Variants in MVB12B observed in about 807,000 individuals in gnomAD.
The protein encoded by MVB12B is ESCRT-I complex subunit MVB12B.
A neutral mutation model predicts 41.6 loss-of-function variants in MVB12B; 16 were observed. The observed-to-expected ratio is 0.38, with a 90% CI of 0.26 to 0.58. The LOEUF (loss-of-function observed/expected upper bound fraction) is 0.58, where lower values mean the gene tolerates loss of function less well. MVB12B is among the 20% of genes least tolerant of loss of function. The pLI is 0.62. For missense variants in MVB12B, 274 were observed against 380.2 expected (o/e 0.72, Z 2.32); for synonymous variants, 133 against 139.7 (o/e 0.95, Z 0.34).
intron 7 of MVB12B, among the ~76,000 whole-genome samples, chr9:126,456,436 ATAAATT>A (rs1832987469): frequency 6.6e-6 from 1 of 152,332 alleles, no homozygotes; most frequent in Non-Finnish European, 1.5e-5. Context: ...TGTCACTAAA[ATAAATT>A]TATATGTTAC....
In MVB12B at chr9:126,473,111, CT is replaced by C. The variant is rs1833350244; in HGVS notation, c.758-8256del. 6.6e-6 allele frequency among the ~76,000 whole-genome samples: 1 copy of C among 152,174 alleles called. No homozygotes were observed. The highest frequency in any genetic ancestry group is 2.1e-4 in the South Asian group (1 of 4,830). On this transcript the variant is annotated intron_variant, in intron 7 of 9. Coordinates refer to ENST00000361171, the MANE Select transcript of MVB12B (RefSeq NM_033446.3). The surrounding 1 kb of genome is among the most constrained non-coding windows in gnomAD (Gnocchi z 4.0). ...GTGGTGGGTGCTTTATCTCTGTCGT[CT>C]TATTTCATTTTTCTTCACCCTCACC...
At chr9:126,330,820 AC>A (rs1829109210) in intron 1 of MVB12B, among the ~76,000 whole-genome samples, 3 of 151,740 alleles carry the variant, frequency 2.0e-5, no homozygotes, top group African/African-American at 4.8e-5. Context: ...GAGTTTGACT[AC>A]CCTAGGTAGT....
At chr9:126,442,011 T>G (rs1247310272) in intron 7 of MVB12B, among the ~76,000 whole-genome samples, 3 of 152,226 alleles carry the variant, frequency 2.0e-5, no homozygotes, top group African/African-American at 7.2e-5. Flanking sequence ...GGTTTCATAA[T>G]GGAGCTAACT....
intron 7 of MVB12B, among the ~76,000 whole-genome samples, chr9:126,451,252 C>T (rs1180962854): frequency 1.3e-5 from 2 of 152,198 alleles, no homozygotes; most frequent in Non-Finnish European, 2.9e-5. Flanking sequence ...TGAAAAGCCT[C>T]ATTCAAGAAT....
intron 6 of MVB12B, among the ~76,000 whole-genome samples, chr9:126,407,532 C>G (rs1338701784): frequency 6.6e-6 from 1 of 152,164 alleles, no homozygotes; most frequent in African/African-American, 2.4e-5. Flanking sequence ...TCGAGTCTTC[C>G]TCTCTGTGAG....
At chr9:126,384,695 A>C (rs1830724662) in intron 3 of MVB12B, among the ~76,000 whole-genome samples, 1 of 151,576 alleles carries the variant, frequency 6.6e-6, no homozygotes, top group African/African-American at 2.4e-5. Context: ...CACCCAGCTA[A>C]TTTTTGTATT....
Position 126,362,801 on chromosome 9 carries a change from T to C in MVB12B, c.205-18263T>C, listed in dbSNP as rs1228847817. Among the ~76,000 whole-genome samples the C allele has an allele frequency of 2.0e-5, 3 of 152,250 alleles. No homozygotes were observed. In the East Asian group the frequency reaches 5.8e-4, roughly 29 times the overall value. On this transcript the variant is annotated intron_variant, in intron 2 of 9. Coordinates refer to ENST00000361171, the MANE Select transcript of MVB12B (RefSeq NM_033446.3). ...AATTTACCAAGGTCAGTTTTACAAT[T>C]GACCTTGCTAATGTAAATGGTACTG...
rs533246743 is a variant in MVB12B, at chr9:126,361,132, G to GT, written c.205-19926dup. Among the ~76,000 whole-genome samples the GT allele has an allele frequency of 2.3e-4, 35 of 151,864 alleles. No homozygotes were observed. The South Asian group carries it at 7.3e-3, about 32-fold the overall frequency. On this transcript the variant is annotated intron_variant, in intron 2 of 9. Transcript: ENST00000361171. Reference sequence around the variant, plus strand: ...TTTAATTAATTTTTTCCCATCTGTTGTTTTTTCCCCTTTTCCTATTTTTCC... The same window carrying GT: ...TTTAATTAATTTTTTCCCATCTGTTGTTTTTTTCCCCTTTTCCTATTTTTCC...
chr9:126,364,554 A>G (rs972112300), intron 2 of MVB12B, among the ~76,000 whole-genome samples: 3 of 152,180 alleles, frequency 2.0e-5, no homozygotes, highest in Admixed American at 2.0e-4. Context: ...AGTTTTCACT[A>G]CTAATCACAT....
intron 1 of MVB12B, among the ~76,000 whole-genome samples, chr9:126,339,425 C>T (rs1829375824): frequency 6.6e-6 from 1 of 152,146 alleles, no homozygotes; most frequent in African/African-American, 2.4e-5. Context: ...ACTGCTTGTC[C>T]TTTTAAAAGT....
At chr9:126,420,832 C>T (rs929958733) in intron 6 of MVB12B, among the ~76,000 whole-genome samples, 6 of 151,910 alleles carry the variant, frequency 3.9e-5, no homozygotes, top group East Asian at 1.9e-4. Context: ...CGTGAGCCAC[C>T]GCGCCCGGCC....
At chr9:126,346,313 C>T (rs193041516) in intron 2 of MVB12B, among the ~76,000 whole-genome samples, 4 of 151,866 alleles carry the variant, frequency 2.6e-5, no homozygotes, top group East Asian at 1.9e-4. Flanking sequence ...GCTGTGGGAG[C>T]GTGGGACGTG....
chr9:126,506,627 T>G lies in MVB12B; in HGVS notation c.*3364T>G, dbSNP rs940179807. 2 of 152,322 alleles carry G rather than the reference T, an allele frequency of 1.3e-5. No individual in the cohort carries two copies. Among genetic ancestry groups the G allele is most frequent in the Non-Finnish European group, 2.9e-5 (2 of 68,138 alleles). The allele number at this position is 152,322 out of a possible 1,614,324, so 9.4% of individuals were successfully genotyped here. ...TTGGAGAAGCAGGTGAACCTAAGGA[T>G]GAAAGCAAAGGAGGGCCTTGAGGAA... On this transcript the variant is annotated 3_prime_UTR_variant, in exon 10 of 10. Coordinates refer to ENST00000361171, the MANE Select transcript of MVB12B (RefSeq NM_033446.3).
intron 6 of MVB12B, among the ~76,000 whole-genome samples, chr9:126,415,715 A>G (rs1017075836): frequency 3.3e-5 from 5 of 152,172 alleles, no homozygotes; most frequent in Non-Finnish European, 5.9e-5. Flanking sequence ...ATATTTGTTA[A>G]GCGCTCACTG....
At chr9:126,375,463 G>T (rs986674457) in intron 2 of MVB12B, among the ~76,000 whole-genome samples, 3 of 125,032 alleles carry the variant, frequency 2.4e-5, no homozygotes, top group Non-Finnish European at 4.6e-5. Context: ...TATTTCTTTC[G>T]AACGAGAAAG....
intron 9 of MVB12B, among the ~76,000 whole-genome samples, chr9:126,485,447 G>A (rs1339895713): frequency 3.4e-5 from 2 of 59,142 alleles, no homozygotes; most frequent in Non-Finnish European, 6.6e-5. Context: ...ATGAGGTCAG[G>A]GTACCGTCCA....
intron 9 of MVB12B, among the ~76,000 whole-genome samples, chr9:126,495,207 ATGAG>A (rs1368289916): frequency 6.4e-4 from 92 of 143,778 alleles, no homozygotes; most frequent in African/African-American, 2.2e-3. Context: ...AAAAAAAAAA[ATGAG>A]AGAGAGAGAA....
chr9:126,409,122 GGGC>G (rs1564315477), intron 6 of MVB12B, among the ~76,000 whole-genome samples: 4,915 of 152,168 alleles, frequency 0.032, 245 homozygotes, highest in African/African-American at 0.11. Context: ...TTGTGGGGGG[GGGC>G]TCAGTAATGC....
intron 2 of MVB12B, among the ~76,000 whole-genome samples, chr9:126,351,386 T>C (rs1378647041): frequency 1.3e-5 from 2 of 152,082 alleles, no homozygotes; most frequent in Non-Finnish European, 2.9e-5. Flanking sequence ...CTTGCCTTAT[T>C]GCAAAGGATA....
Sources: allele counts gnomAD v4.1 joint callset (sites outside exome capture counted in the v4.1 genomes callset), GRCh38; gene constraint gnomAD v4.1.1; non-coding constraint Gnocchi (gnomAD v3.1); transcripts MANE v1.5; gene names NCBI Gene and HGNC (gene_info 2026-07-23, HGNC 2026-07-21).